CWC27: variants seen among roughly 807,000 people sequenced by gnomAD.
CWC27 encodes the protein spliceosome-associated protein CWC27 homolog.
A neutral mutation model predicts 63.6 loss-of-function variants in CWC27; 47 were observed. That is an observed-to-expected ratio of 0.74 (90% CI 0.58 to 0.94). The LOEUF (loss-of-function observed/expected upper bound fraction) is 0.94. Among genes scored for constraint, CWC27 ranks in the 40% least tolerant of loss-of-function variants. The probability of loss-of-function intolerance (pLI) is 0.00; values close to 1 mark genes in which losing one functional copy is unlikely to be tolerated. For missense variants in CWC27, 495 were observed against 554.3 expected, an observed-to-expected ratio of 0.89 and a Z score of 1.07; for synonymous variants, 175 against 179.8, an observed-to-expected ratio of 0.97 and a Z score of 0.22.
intron 10 of CWC27, among the ~76,000 whole-genome samples, chr5:64,881,586 A>G (rs1358430064): frequency 1.6e-4 from 24 of 152,144 alleles, no homozygotes; most frequent in Admixed American, 1.5e-3. Context: ...TATTTTACAT[A>G]ACTTACCCCT....
intron 11 of CWC27, among the ~76,000 whole-genome samples, chr5:64,889,329 A>G (rs1747164022): frequency 6.6e-6 from 1 of 152,250 alleles, no homozygotes. Context: ...TGGTCACGGA[A>G]GGCCTTAACA....
intron 6 of CWC27, among the ~76,000 whole-genome samples, chr5:64,786,867 C>T (rs1314902726): frequency 1.3e-5 from 2 of 152,144 alleles, no homozygotes; most frequent in African/African-American, 2.4e-5. Context: ...CGTTTTCACA[C>T]TGCTATAAAG....
At chr5:64,973,318 T>A (rs1749158743) in intron 12 of CWC27, among the ~76,000 whole-genome samples, 2 of 152,198 alleles carry the variant, frequency 1.3e-5, no homozygotes, top group Non-Finnish European at 2.9e-5. Context: ...TCTCTCTAAC[T>A]GGGCTGCAAT....
intron 11 of CWC27, among the ~76,000 whole-genome samples, chr5:64,894,201 T>C (rs1747313000): frequency 6.6e-6 from 1 of 152,082 alleles, no homozygotes; most frequent in African/African-American, 2.4e-5. Context: ...GTGCTGGGAT[T>C]ATAGATGTGA....
At chr5:64,990,829 A>T (rs1749525300) in intron 13 of CWC27, among the ~76,000 whole-genome samples, 1 of 152,206 alleles carries the variant, frequency 6.6e-6, no homozygotes, top group South Asian at 2.1e-4. Context: ...ATACTTATCT[A>T]GTGATATTAA....
At chr5:64,877,959 A>C (rs1746836040) in intron 10 of CWC27, among the ~76,000 whole-genome samples, 1 of 151,966 alleles carries the variant, frequency 6.6e-6, no homozygotes, top group Admixed American at 6.6e-5. Context: ...AATGAAAACC[A>C]AGGAAATAAT....
At chr5:64,913,845 G>T (rs1747838940) in intron 11 of CWC27, among the ~76,000 whole-genome samples, 1 of 152,008 alleles carries the variant, frequency 6.6e-6, no homozygotes, top group Non-Finnish European at 1.5e-5. Context: ...TAAGCTTATT[G>T]TAAAGTTTAT....
intron 7 of CWC27, among the ~76,000 whole-genome samples, chr5:64,797,536 G>T (rs879622667): frequency 5.3e-5 from 8 of 152,128 alleles, no homozygotes; most frequent in Admixed American, 4.6e-4. Flanking sequence ...TTAAACACAG[G>T]TTCCTCCTAT....
chr5:64,921,639 G>T (rs1048585289), intron 11 of CWC27, among the ~76,000 whole-genome samples: 4 of 152,104 alleles, frequency 2.6e-5, no homozygotes, highest in Admixed American at 1.3e-4. Flanking sequence ...TTTGAGTGAG[G>T]CATTTAGACC....
At position 64,804,280 on chromosome 5, in the gene CWC27, A is replaced by G. The variant is rs1340749828; in HGVS notation, c.832A>G (p.Lys278Glu). 1.2e-6 allele frequency: 2 copies of G among 1,613,200 alleles called. No individual in the cohort carries two copies. Among genetic ancestry groups the G allele is most frequent in the African/African-American group, 2.7e-5 (2 of 74,874 alleles). ...EHDEYIDGDE[K>E]NLMRERIAKK... ...TGATGAATATATTGATGGTGATGAAAAGAACCTGATGAGAGAAAGAATTGC... is the reference window on the plus strand; with the variant it reads ...TGATGAATATATTGATGGTGATGAAGAGAACCTGATGAGAGAAAGAATTGC... Residue 278 changes from lysine to glutamate, a missense_variant, in exon 10 of 14, where the codon AAG becomes GAG. This residue lies in a region of CWC27 where 463 missense variants were observed against 498.1 expected (regional missense o/e 0.93). Coordinates refer to ENST00000381070, the MANE Select transcript of CWC27 (RefSeq NM_005869.4).
intron 10 of CWC27, among the ~76,000 whole-genome samples, chr5:64,868,476 T>C (rs1746584431): frequency 6.6e-6 from 1 of 152,070 alleles, no homozygotes; most frequent in South Asian, 2.1e-4. Flanking sequence ...CAGACTTACA[T>C]ACGTAACATT....
At chr5:64,777,729 A>G (rs1743507121) in intron 2 of CWC27, among the ~76,000 whole-genome samples, 1 of 152,132 alleles carries the variant, frequency 6.6e-6, no homozygotes, top group South Asian at 2.1e-4. Flanking sequence ...AACACTTGTG[A>G]TGATGCATAA....
At chr5:64,941,730 A>C (rs1580739990) in intron 11 of CWC27, among the ~76,000 whole-genome samples, 1 of 152,114 alleles carries the variant, frequency 6.6e-6, no homozygotes. Flanking sequence ...TGCTAAATGT[A>C]AAATCTTACA....
At chr5:64,812,962 T>C (rs1744919950) in intron 10 of CWC27, among the ~76,000 whole-genome samples, 1 of 152,124 alleles carries the variant, frequency 6.6e-6, no homozygotes, top group African/African-American at 2.4e-5. Flanking sequence ...TGAACAAAAA[T>C]TGCCATTTTT....
chr5:65,016,238 G>A (rs1750045825), intron 13 of CWC27, among the ~76,000 whole-genome samples: 1 of 152,156 alleles, frequency 6.6e-6, no homozygotes, highest in African/African-American at 2.4e-5. Flanking sequence ...AATTAAGGGT[G>A]TCTACTAAAG....
At chr5:64,813,756 T>G (rs74387042) in intron 10 of CWC27, among the ~76,000 whole-genome samples, 54,901 of 151,762 alleles carry the variant, frequency 0.36, 10,450 homozygotes, top group East Asian at 0.5. Flanking sequence ...TTCTGGCCTT[T>G]TTAGGCCATA....
chr5:64,786,800 A>G (rs1285636002), intron 6 of CWC27, among the ~76,000 whole-genome samples, 173 bp downstream of exon 6: 1 of 152,170 alleles, frequency 6.6e-6, no homozygotes, highest in Non-Finnish European at 1.5e-5. Flanking sequence ...ACACTGCTAT[A>G]AAGACATGCC....
chr5:64,957,296 A>G (rs1431575506), intron 11 of CWC27, among the ~76,000 whole-genome samples: 3 of 151,394 alleles, frequency 2.0e-5, no homozygotes, highest in Admixed American at 2.0e-4. Context: ...TTTTTTTCTT[A>G]CTGCTACAAC....
At chr5:64,917,261 G>A (rs1747908558) in intron 11 of CWC27, among the ~76,000 whole-genome samples, 1 of 152,154 alleles carries the variant, frequency 6.6e-6, no homozygotes, top group South Asian at 2.1e-4. Context: ...GTAGGCCTCT[G>A]CATACATATT....
Sources: allele counts gnomAD v4.1 joint callset (sites outside exome capture counted in the v4.1 genomes callset), GRCh38; gene constraint gnomAD v4.1.1; regional missense constraint gnomAD v4.1.1; transcripts MANE v1.5; gene names NCBI Gene and HGNC (gene_info 2026-07-23, HGNC 2026-07-21).